CACNA2D3: variants seen among roughly 807,000 people sequenced by gnomAD.
CACNA2D3 encodes the protein calcium voltage-gated channel auxiliary subunit alpha2delta 3.
A neutral mutation model predicts 160.6 loss-of-function variants in CACNA2D3; 60 were observed. The ratio of observed to expected loss-of-function variants is 0.37; its 90% confidence interval spans 0.30 to 0.46. The LOEUF is 0.46. Ranked by LOEUF, CACNA2D3 falls within the 20% of genes least tolerant of loss-of-function variation. The probability of loss-of-function intolerance (pLI) is 1.00; values close to 1 mark genes in which losing one functional copy is unlikely to be tolerated. For synonymous variants in CACNA2D3, 558 were observed against 492.9 expected, an observed-to-expected ratio of 1.13 and a Z score of -1.75; for missense variants, 1,205 against 1,365.0, an observed-to-expected ratio of 0.88 and a Z score of 1.85.
intron 3 of CACNA2D3, among the ~76,000 whole-genome samples, chr3:54,371,584 G>A (rs73841999): frequency 0.028 from 4,224 of 152,180 alleles, 196 homozygotes; most frequent in African/African-American, 0.097. Context: ...ACATCACATC[G>A]TGTGCATTTT....
chr3:54,754,448 G>T (rs1701933776), intron 12 of CACNA2D3, among the ~76,000 whole-genome samples: 1 of 152,124 alleles, frequency 6.6e-6, no homozygotes, highest in Non-Finnish European at 1.5e-5. Flanking sequence ...AATAAAGTTG[G>T]TAGCTTGGCT....
intron 3 of CACNA2D3, among the ~76,000 whole-genome samples, chr3:54,372,188 G>A (rs1403984165): frequency 6.6e-6 from 1 of 152,176 alleles, no homozygotes; most frequent in Non-Finnish European, 1.5e-5. Context: ...AAACTTAAAA[G>A]CCACTAAAGT....
intron 9 of CACNA2D3, among the ~76,000 whole-genome samples, chr3:54,620,246 G>T (rs1698955623): frequency 6.6e-6 from 1 of 152,120 alleles, no homozygotes; most frequent in Admixed American, 6.5e-5. Flanking sequence ...TCCTGTGTCT[G>T]TTTACTGACA....
intron 13 of CACNA2D3, among the ~76,000 whole-genome samples, chr3:54,800,895 T>C (rs140012962): frequency 5.5e-4 from 84 of 152,270 alleles, no homozygotes; most frequent in Middle Eastern, 6.8e-3. Flanking sequence ...ATTCAGGAAT[T>C]TTGAAGTTTA....
chr3:54,805,203 G>A (rs1320812279), intron 13 of CACNA2D3, among the ~76,000 whole-genome samples: 1 of 152,094 alleles, frequency 6.6e-6, no homozygotes, highest in African/African-American at 2.4e-5. Flanking sequence ...ACTAAGATCA[G>A]AGCAGAACTG....
At chr3:54,836,607 A>G (rs1333270230) in intron 14 of CACNA2D3, among the ~76,000 whole-genome samples, 1 of 152,178 alleles carries the variant, frequency 6.6e-6, no homozygotes, top group Non-Finnish European at 1.5e-5. Flanking sequence ...TAAAGTTATT[A>G]TTTAATTTTG....
At chr3:54,510,685 C>T (rs146213807) in intron 5 of CACNA2D3, among the ~76,000 whole-genome samples, 4 of 152,146 alleles carry the variant, frequency 2.6e-5, no homozygotes, top group Non-Finnish European at 5.9e-5. Flanking sequence ...GGGCTTGTAT[C>T]CAGTGCTATG....
At chr3:54,263,701 G>A (rs964874160) in intron 2 of CACNA2D3, among the ~76,000 whole-genome samples, 1 of 152,164 alleles carries the variant, frequency 6.6e-6, no homozygotes, top group Admixed American at 6.5e-5. Flanking sequence ...CACATGTTGT[G>A]CACCTTTGGT....
chr3:54,830,656 C>T (rs942645571), intron 14 of CACNA2D3, among the ~76,000 whole-genome samples: 1 of 151,990 alleles, frequency 6.6e-6, no homozygotes, highest in African/African-American at 2.4e-5. Context: ...GTTTTCGCCA[C>T]GTTGGCCAAG....
intron 3 of CACNA2D3, among the ~76,000 whole-genome samples, chr3:54,331,135 T>C (rs1270566442): frequency 6.6e-6 from 1 of 152,190 alleles, no homozygotes; most frequent in Non-Finnish European, 1.5e-5. Context: ...AGGCCAATCC[T>C]GGTTGTAGAT....
At chr3:54,583,926 A>G (rs1276271119) in intron 9 of CACNA2D3, among the ~76,000 whole-genome samples, 1 of 152,046 alleles carries the variant, frequency 6.6e-6, no homozygotes, top group Non-Finnish European at 1.5e-5. Context: ...AGAAAGTCCC[A>G]GAAAATCTTG....
intron 5 of CACNA2D3, among the ~76,000 whole-genome samples, chr3:54,543,204 G>A (rs934587350): frequency 3.9e-5 from 6 of 152,206 alleles, no homozygotes; most frequent in South Asian, 2.1e-4. Flanking sequence ...AGATCAGAGC[G>A]ATATGCACAT....
intron 5 of CACNA2D3, among the ~76,000 whole-genome samples, chr3:54,512,473 A>T (rs1166973064): frequency 6.6e-6 from 1 of 152,252 alleles, no homozygotes; most frequent in Non-Finnish European, 1.5e-5. Context: ...CCACAGTGGC[A>T]TGGCTTATGC....
intron 2 of CACNA2D3, among the ~76,000 whole-genome samples, chr3:54,158,833 G>C (rs995114766): frequency 6.6e-6 from 1 of 152,202 alleles, no homozygotes; most frequent in Non-Finnish European, 1.5e-5. Context: ...TCCTTCTTCT[G>C]TGATGGTCAT....
chr3:54,745,107 G>A (rs779719176), intron 11 of CACNA2D3, among the ~76,000 whole-genome samples: 1 of 152,256 alleles, frequency 6.6e-6, no homozygotes, highest in African/African-American at 2.4e-5. Flanking sequence ...GAAGCAGAAG[G>A]CATGCCATAC....
At chr3:54,351,416 G>A (rs1698563351) in intron 3 of CACNA2D3, among the ~76,000 whole-genome samples, 1 of 152,164 alleles carries the variant, frequency 6.6e-6, no homozygotes, top group African/African-American at 2.4e-5. Flanking sequence ...ATATAAACAA[G>A]ATTGTTGGAA....
intron 3 of CACNA2D3, among the ~76,000 whole-genome samples, chr3:54,336,564 A>G (rs1330959410): frequency 6.6e-6 from 1 of 152,190 alleles, no homozygotes; most frequent in Non-Finnish European, 1.5e-5. Context: ...AGTTACATGA[A>G]ATTTACATTA....
At chr3:54,686,094 C>T (rs1700444438) in intron 11 of CACNA2D3, among the ~76,000 whole-genome samples, 2 of 152,234 alleles carry the variant, frequency 1.3e-5, no homozygotes, top group Non-Finnish European at 2.9e-5. Context: ...TGAAATAGAG[C>T]AATCTCCCTA....
At chr3:54,963,446 C>G (rs1229119176) in intron 27 of CACNA2D3, among the ~76,000 whole-genome samples, 2 of 152,186 alleles carry the variant, frequency 1.3e-5, no homozygotes, top group Non-Finnish European at 2.9e-5. Flanking sequence ...GCCTCTAGCA[C>G]CCTGTGGCTA....
Sources: gnomAD v4.1 joint callset for allele counts (sites outside exome capture counted in the v4.1 genomes callset) on GRCh38, gnomAD v4.1.1 for gene constraint, MANE v1.5 for transcripts, NCBI Gene and HGNC (gene_info 2026-07-23, HGNC 2026-07-21) for gene names.